Variants in SLC6A6 observed in about 807,000 individuals in gnomAD.
The protein encoded by SLC6A6 is solute carrier family 6 member 6, also known as sodium- and chloride-dependent taurine transporter.
SLC6A6 carries 16 observed loss-of-function variants against 68.8 expected under a neutral mutation model. The ratio of observed to expected loss-of-function variants is 0.23; its 90% CI spans 0.16 to 0.35. The LOEUF (loss-of-function observed/expected upper bound fraction) is 0.35. Ranked by LOEUF, SLC6A6 falls within the 10% of genes least tolerant of loss-of-function variation. The pLI is 1.00. For synonymous variants in SLC6A6, 312 were observed against 315.4 expected (o/e 0.99, Z 0.12); for missense variants, 474 against 802.8 (o/e 0.59, Z 4.95).
At position 14,425,097 on chromosome 3, in the gene SLC6A6, T is replaced by G. The variant is rs372575926; in HGVS notation, c.-12+8644T>G. Among the ~76,000 whole-genome samples the G allele has an allele frequency of 5.9e-5, 9 of 152,338 alleles. 1 individual carries two copies. The South Asian group carries it at 1.9e-3, about 32-fold the overall frequency. On this transcript the variant is annotated intron_variant, in intron 2 of 14. Coordinates refer to ENST00000622186, the MANE Select transcript of SLC6A6 (RefSeq NM_003043.6). Reference sequence around the variant, plus strand: ...GCCATGAAAGATGGCTAATCTTTCTTGGGCACAGAGTATCCTGTTTCTCCT... The same window carrying G: ...GCCATGAAAGATGGCTAATCTTTCTGGGGCACAGAGTATCCTGTTTCTCCT...
chr3:14,408,961 C>T (rs1189918785), intron 1 of SLC6A6, among the ~76,000 whole-genome samples: 1 of 152,120 alleles, frequency 6.6e-6, no homozygotes, highest in Non-Finnish European at 1.5e-5. Flanking sequence ...CACCCGCTAC[C>T]ACGCCCAGCT....
chr3:14,461,945 C>T (rs1700505464), intron 6 of SLC6A6, among the ~76,000 whole-genome samples: 2 of 152,252 alleles, frequency 1.3e-5, no homozygotes, highest in Admixed American at 6.5e-5. Flanking sequence ...GCTGCTCAGC[C>T]ACCCTCTTTT....
intron 2 of SLC6A6, among the ~76,000 whole-genome samples, chr3:14,421,707 G>C (rs1699489529): frequency 6.6e-6 from 1 of 152,200 alleles, no homozygotes. Context: ...CATCTTGTAG[G>C]GTAGTTACTA....
At chr3:14,454,370 G>T (rs1174187799) in intron 5 of SLC6A6, among the ~76,000 whole-genome samples, 1 of 152,112 alleles carries the variant, frequency 6.6e-6, no homozygotes, top group African/African-American at 2.4e-5. Context: ...GTGGCAGGGC[G>T]CCATGGCGTT....
At chr3:14,478,267 T>A (rs1700926210) in intron 11 of SLC6A6, among the ~76,000 whole-genome samples, 199 bp from the exon 12 acceptor site, 1 of 152,182 alleles carries the variant, frequency 6.6e-6, no homozygotes, top group Non-Finnish European at 1.5e-5. Context: ...TTGCTTTCAT[T>A]TATCTGTATG....
intron 6 of SLC6A6, among the ~76,000 whole-genome samples, chr3:14,461,559 GC>G (rs1700495222): frequency 1.3e-5 from 2 of 152,318 alleles, no homozygotes. Flanking sequence ...AGGGGAGGAG[GC>G]CCCGGAGTGA....
intron 1 of SLC6A6, among the ~76,000 whole-genome samples, chr3:14,406,531 C>T (rs1354044296): frequency 2.6e-5 from 4 of 152,184 alleles, no homozygotes; most frequent in Non-Finnish European, 4.4e-5. Flanking sequence ...TTTCTGTAAA[C>T]ATGGGGGTGA....
At chr3:14,454,227 G>A (rs1413241697) in intron 5 of SLC6A6, among the ~76,000 whole-genome samples, 1 of 152,142 alleles carries the variant, frequency 6.6e-6, no homozygotes, top group Non-Finnish European at 1.5e-5. Flanking sequence ...GAAGACCAAC[G>A]AAGAGGCTGC....
chr3:14,451,024 A>C (rs1055749793), intron 5 of SLC6A6, among the ~76,000 whole-genome samples: 2 of 152,142 alleles, frequency 1.3e-5, no homozygotes, highest in African/African-American at 4.8e-5. Flanking sequence ...GTCCCCATGC[A>C]CTGTCACCCC....
chr3:14,482,884 G>A (rs1281229608), intron 14 of SLC6A6, among the ~76,000 whole-genome samples: 2 of 152,156 alleles, frequency 1.3e-5, no homozygotes, highest in Admixed American at 6.5e-5. Context: ...CTGGGGACAG[G>A]CAGGGAACAG....
chr3:14,478,635 A>G, intron 12 of SLC6A6, 67 bp downstream of exon 12: 1 of 960,646 alleles, frequency 1.0e-6, no homozygotes, highest in Non-Finnish European at 1.7e-6. Context: ...TAGAAGCTTC[A>G]GAAGCAGAGA....
chr3:14,441,783 C>T (rs930563644), intron 2 of SLC6A6, among the ~76,000 whole-genome samples: 2 of 152,266 alleles, frequency 1.3e-5, no homozygotes, highest in Non-Finnish European at 2.9e-5. Flanking sequence ...ACAGGATTGG[C>T]AAAGCCAGGG....
At chr3:14,440,536 G>C (rs929917767) in intron 2 of SLC6A6, among the ~76,000 whole-genome samples, 5 of 152,092 alleles carry the variant, frequency 3.3e-5, no homozygotes, top group Admixed American at 1.3e-4. Context: ...TCTTCTAGGG[G>C]TGAGCAAAGG....
chr3:14,417,686 C>T (rs562114454), intron 2 of SLC6A6, among the ~76,000 whole-genome samples: 5 of 148,886 alleles, frequency 3.4e-5, no homozygotes, highest in African/African-American at 1.0e-4. Flanking sequence ...GAGCCGCGAT[C>T]GTGCCACTGC....
chr3:14,452,421 G>T (rs980507870), intron 5 of SLC6A6, among the ~76,000 whole-genome samples: 21 of 152,216 alleles, frequency 1.4e-4, no homozygotes, highest in Non-Finnish European at 2.9e-4. Context: ...TGCCCTGCCC[G>T]AGGTCACGTG....
intron 4 of SLC6A6, among the ~76,000 whole-genome samples, chr3:14,446,176 C>G (rs551964722): frequency 6.6e-6 from 1 of 152,112 alleles, no homozygotes; most frequent in African/African-American, 2.4e-5. Flanking sequence ...AGGTGCCCAT[C>G]GGTGGTGGAC....
Position 14,472,596 on chromosome 3 carries a change from G to A in SLC6A6, c.1209+279G>A, listed in dbSNP as rs191901896. 4.6e-5 allele frequency among the ~76,000 whole-genome samples: 7 copies of A among 152,344 alleles called. No individual in the cohort carries two copies. Among genetic ancestry groups the A allele is most frequent in the Admixed American group, 3.3e-4 (5 of 15,300 alleles). ...AGCAGAGGGGCATCCAGAGGTTCTC[G>A]GAGTGGGTGGGTTATGACAGGGACA... On this transcript the variant is annotated intron_variant, in intron 10 of 14. Transcript: ENST00000622186. This position sits in a 1 kb window ranked among gnomAD's most constrained non-coding sequence, Gnocchi z 4.5.
At chr3:14,428,328 C>T (rs77733516) in intron 2 of SLC6A6, among the ~76,000 whole-genome samples, 1,914 of 152,316 alleles carry the variant, frequency 0.013, 48 homozygotes, top group African/African-American at 0.044. Flanking sequence ...AAGCACTCGG[C>T]GGGCATGGTG....
intron 11 of SLC6A6, among the ~76,000 whole-genome samples, chr3:14,478,210 G>A (rs1700924541): frequency 6.6e-6 from 1 of 152,174 alleles, no homozygotes; most frequent in Admixed American, 6.5e-5. Context: ...AGCTGCACTT[G>A]GTGTGAAGCA....
Sources: allele counts gnomAD v4.1 joint callset (sites outside exome capture counted in the v4.1 genomes callset), GRCh38; gene constraint gnomAD v4.1.1; non-coding constraint Gnocchi (gnomAD v3.1); transcripts MANE v1.5; gene names NCBI Gene and HGNC (gene_info 2026-07-23, HGNC 2026-07-21).